Variants in TP73 observed in about 807,000 individuals in gnomAD.
TP73 encodes tumor protein p73.
A neutral mutation model predicts 62.5 loss-of-function variants in TP73; 25 were observed. That is an observed-to-expected ratio of 0.40 (90% CI 0.29 to 0.56). The LOEUF is 0.56. TP73 is among the 20% of genes least tolerant of loss of function. The probability of loss-of-function intolerance (pLI) is 0.46; values close to 1 mark genes in which losing one functional copy is unlikely to be tolerated. For synonymous variants in TP73, 423 were observed against 377.5 expected, an observed-to-expected ratio of 1.12 and a Z score of -1.40; for missense variants, 754 against 913.3, an observed-to-expected ratio of 0.83 and a Z score of 2.25.
At position 3,663,364 on chromosome 1, in the gene TP73, G is replaced by T. The variant is rs1469601177; in HGVS notation, c.-34+10723G>T. On this transcript the variant is annotated intron_variant, in intron 1 of 13. Coordinates refer to ENST00000378295, the MANE Select transcript of TP73 (RefSeq NM_005427.4). The surrounding 1 kb of genome is among the most constrained non-coding windows in gnomAD (Gnocchi z 4.7). ...AGAATGGAACACCCATCGAACCGGG[G>T]AACTCTGCATATTTTCCTCCTGGGT... Among the ~76,000 whole-genome samples, 9 of 152,198 alleles carry T rather than the reference G, an allele frequency of 5.9e-5. No individual in the cohort carries two copies.
At chr1:3,727,579 G>C (rs1440401190) in intron 7 of TP73, 49 bp from the exon 8 acceptor site, 1 of 1,567,680 alleles carries the variant, frequency 6.4e-7, no homozygotes, top group South Asian at 1.2e-5. Flanking sequence ...TGGGCAGGTT[G>C]AGGGTGGGCA....
intron 1 of TP73, among the ~76,000 whole-genome samples, chr1:3,680,069 G>A (rs1057472818): frequency 1.5e-4 from 23 of 151,114 alleles, no homozygotes; most frequent in South Asian, 1.0e-3. Context: ...CTATGTCTCT[G>A]TCTCTCTTTG....
chr1:3,657,666 C>T (rs549044758), intron 1 of TP73, among the ~76,000 whole-genome samples: 19 of 152,304 alleles, frequency 1.2e-4, no homozygotes, highest in Admixed American at 3.3e-4. Context: ...ATGGCGCAAA[C>T]GGGGAAGAAA....
intron 4 of TP73, among the ~76,000 whole-genome samples, chr1:3,721,588 A>G (rs1641075720): frequency 6.6e-6 from 1 of 152,212 alleles, no homozygotes; most frequent in Non-Finnish European, 1.5e-5. Context: ...GGTCTTAAAA[A>G]CAGATTCAAT....
At chr1:3,702,545 C>T (rs3765743) in intron 3 of TP73, among the ~76,000 whole-genome samples, 84,819 of 152,114 alleles carry the variant, frequency 0.56, 24,732 homozygotes, top group East Asian at 0.84. Context: ...CCAACCCATC[C>T]GCAGGGAGGA....
chr1:3,654,836 G>GTATT (rs1308370473), intron 1 of TP73, among the ~76,000 whole-genome samples: 2 of 152,240 alleles, frequency 1.3e-5, no homozygotes, highest in African/African-American at 4.8e-5. Flanking sequence ...GCCTGGTTTA[G>GTATT]TATTTATTTA....
At chr1:3,726,644 GATGGATGGATGGATTGATTGATATTGA>G (rs1445710755) in intron 6 of TP73, among the ~76,000 whole-genome samples, 1 of 140,154 alleles carries the variant, frequency 7.1e-6, no homozygotes, top group Non-Finnish European at 1.6e-5. Flanking sequence ...GGATGGGGTG[GATGGATGGATGGATTGATTGATATTGA>G]ATGGATGGGT....
At chr1:3,717,148 C>A (rs967026832) in intron 4 of TP73, among the ~76,000 whole-genome samples, 1 of 152,246 alleles carries the variant, frequency 6.6e-6, no homozygotes, top group Non-Finnish European at 1.5e-5. Flanking sequence ...ATCACCTCTC[C>A]GCTGTCCTCC....
Position 3,727,117 on chromosome 1 carries a change from G to A in TP73, c.735G>A (p.Val245=), listed in dbSNP as rs61736981. 5,166 of 1,611,372 alleles carry A rather than the reference G, an allele frequency of 3.2e-3. 141 individuals are homozygous for A. The African/African-American group carries it at 0.062, about 19-fold the overall frequency. The change falls in exon 7 of 14, where the codon GTG becomes GTA. Residue 245 remains valine, a splice_region_variant and synonymous_variant. Transcript: ENST00000378295. Reference sequence around the variant, plus strand: ...TCTCCCTGCTCCCCCATGTGCAGGTGGGGACGGAATTCACCACCATCCTGT... The same window carrying A: ...TCTCCCTGCTCCCCCATGTGCAGGTAGGGACGGAATTCACCACCATCCTGT... ...SVVVPYEPPQ[V]GTEFTTILYN...
At chr1:3,677,687 TC>T (rs149918448) in intron 1 of TP73, among the ~76,000 whole-genome samples, 1,818 of 141,044 alleles carry the variant, frequency 0.013, 67 homozygotes, top group African/African-American at 0.036. Context: ...TTTCCTTCCT[TC>T]CCTTTTTTTT....
rs1644777397 is a variant in TP73 at position 3,652,530 on chromosome 1, C to T, written c.-145C>T. On this transcript the variant is annotated 5_prime_UTR_variant, in exon 1 of 14. Transcript: ENST00000378295. ...CCGGGCAGCCCGCCCTGCCTCCCCGCCCGCGCACCCGCCCGGAGGCTCGCG... is the reference window on the plus strand; with the variant it reads ...CCGGGCAGCCCGCCCTGCCTCCCCGTCCGCGCACCCGCCCGGAGGCTCGCG... 7.2e-5 allele frequency: 11 copies of T among 151,766 alleles called. No individual in the cohort carries two copies. Among genetic ancestry groups the T allele is most frequent in the Admixed American group, 7.2e-4 (11 of 15,220 alleles). The allele number at this position is 151,766 out of a possible 1,614,324, so 9.4% of individuals were successfully genotyped here.
At position 3,681,074 on chromosome 1, in the gene TP73, ATCATGGC is replaced by A. The variant is rs1458775062; in HGVS notation, c.-33-1255_-33-1249del. 2.0e-5 allele frequency among the ~76,000 whole-genome samples: 3 copies of A among 152,336 alleles called. No homozygotes were observed. The East Asian group carries it at 5.8e-4, about 29-fold the overall frequency. On this transcript the variant is annotated intron_variant, in intron 1 of 13. Transcript: ENST00000378295. ...CCCTCTAAGCTGCTTGTCCCAGGCC[ATCATGGC>A]TCACGGACCGCCCCTCAGCCTGGCC...
chr1:3,693,715 C>CT (rs554517107), intron 3 of TP73, among the ~76,000 whole-genome samples: 115 of 144,704 alleles, frequency 7.9e-4, no homozygotes, highest in African/African-American at 2.9e-3. Context: ...GCCTTAGCCC[C>CT]TCCTCCTGCA....
intron 1 of TP73, among the ~76,000 whole-genome samples, chr1:3,677,689 C>CTTTTTTTTTTTTTTTTTTTTTTTT (rs1215137164): frequency 7.3e-6 from 1 of 137,224 alleles, no homozygotes. Flanking sequence ...TCCTTCCTTC[C>CTTTTTTTTTTTTTTTTTTTTTTTT]CTTTTTTTTT....
At chr1:3,700,159 G>A (rs1039387912) in intron 3 of TP73, among the ~76,000 whole-genome samples, 1 of 150,652 alleles carries the variant, frequency 6.6e-6, no homozygotes, top group African/African-American at 2.4e-5. Flanking sequence ...ACCCCTGCCA[G>A]GCCCAATGCA....
intron 4 of TP73, among the ~76,000 whole-genome samples, chr1:3,715,909 T>C (rs569587181): frequency 1.0e-3 from 158 of 152,220 alleles, no homozygotes; most frequent in Middle Eastern, 3.4e-3. Context: ...CAGCCGTGCA[T>C]GGGACGAGGA....
intron 4 of TP73, 138 bp from the exon 5 acceptor site, chr1:3,721,883 G>A (rs754973000): frequency 8.5e-5 from 73 of 858,678 alleles, no homozygotes; most frequent in Admixed American, 1.2e-4. Context: ...TTCAGCAGAG[G>A]GGCTGCTTGG....
chr1:3,655,141 C>G (rs915575878), intron 1 of TP73, among the ~76,000 whole-genome samples: 1 of 152,214 alleles, frequency 6.6e-6, no homozygotes, highest in African/African-American at 2.4e-5. Flanking sequence ...AATCTCAGCC[C>G]TTTGGGAGGC....
intron 1 of TP73, among the ~76,000 whole-genome samples, chr1:3,658,039 G>A (rs1176066709): frequency 6.6e-6 from 1 of 152,238 alleles, no homozygotes; most frequent in African/African-American, 2.4e-5. Flanking sequence ...CACCTCTCAG[G>A]GAGTTGGACA....
Sources: gnomAD v4.1 joint callset for allele counts (sites outside exome capture counted in the v4.1 genomes callset) on GRCh38, gnomAD v4.1.1 for gene constraint, Gnocchi (gnomAD v3.1) non-coding constraint, MANE v1.5 for transcripts, NCBI Gene and HGNC (gene_info 2026-07-23, HGNC 2026-07-21) for gene names.